FOXO3: variants seen among roughly 807,000 people sequenced by gnomAD.
The protein encoded by FOXO3 is forkhead box protein O3.
FOXO3 carries 4 observed loss-of-function variants against 41.9 expected under a neutral mutation model. The observed-to-expected ratio is 0.10, with a 90% confidence interval of 0.05 to 0.22. FOXO3 has a LOEUF of 0.22. Ranked by LOEUF, FOXO3 falls within the 10% of genes least tolerant of loss-of-function variation. FOXO3 has a pLI of 1.00. For missense variants in FOXO3, 534 were observed against 906.8 expected (o/e 0.59, Z 5.28); for synonymous variants, 318 against 389.3 (o/e 0.82, Z 2.16).
At chr6:108,678,769 T>C (rs1322058708) in intron 2 of FOXO3, among the ~76,000 whole-genome samples, 1 of 151,842 alleles carries the variant, frequency 6.6e-6, no homozygotes, top group Non-Finnish European at 1.5e-5. Context: ...TTGGCGTGCC[T>C]GTAGTCCTAG....
chr6:108,575,194 C>T (rs1026180240), intron 1 of FOXO3, among the ~76,000 whole-genome samples: 1 of 152,120 alleles, frequency 6.6e-6, no homozygotes, highest in Admixed American at 6.5e-5. Context: ...TAATTCCAAT[C>T]ACAAAACTAC....
chr6:108,656,040 G>A (rs576942072), intron 1 of FOXO3, among the ~76,000 whole-genome samples: 1 of 151,958 alleles, frequency 6.6e-6, no homozygotes, highest in South Asian at 2.1e-4. Context: ...GCCTGCAGTC[G>A]GCCTGGTGGG....
chr6:108,634,658 T>C (rs73763154), intron 1 of FOXO3, among the ~76,000 whole-genome samples: 14,708 of 151,690 alleles, frequency 0.097, 743 homozygotes, highest in East Asian at 0.15. Flanking sequence ...TGTTTCAGAG[T>C]GATTAGAGGG....
At chr6:108,634,396 A>G (rs1778058697) in intron 1 of FOXO3, among the ~76,000 whole-genome samples, 4 of 152,166 alleles carry the variant, frequency 2.6e-5, no homozygotes, top group Admixed American at 6.5e-5. Flanking sequence ...GGAAAGGGTC[A>G]GGGATGATGA....
intron 1 of FOXO3, among the ~76,000 whole-genome samples, chr6:108,598,205 C>T (rs1347579914): frequency 6.6e-6 from 1 of 152,188 alleles, no homozygotes; most frequent in Non-Finnish European, 1.5e-5. Flanking sequence ...CCCTACTGTC[C>T]CCTCTTCCAT....
At chr6:108,567,377 G>A (rs918626546) in intron 1 of FOXO3, among the ~76,000 whole-genome samples, 1 of 152,130 alleles carries the variant, frequency 6.6e-6, no homozygotes, top group Non-Finnish European at 1.5e-5. Flanking sequence ...CACATCTTTG[G>A]CCCTGGACTG....
At chr6:108,607,523 G>T (rs1355675475) in intron 1 of FOXO3, among the ~76,000 whole-genome samples, 2 of 150,578 alleles carry the variant, frequency 1.3e-5, no homozygotes, top group Non-Finnish European at 3.0e-5. Flanking sequence ...TTTCTTTTCT[G>T]ATCCTGGAAA....
At chr6:108,623,657 A>G (rs1777733575) in intron 1 of FOXO3, among the ~76,000 whole-genome samples, 1 of 152,260 alleles carries the variant, frequency 6.6e-6, no homozygotes, top group Admixed American at 6.5e-5. Context: ...AATGACAGTC[A>G]TAACAAATGA....
intron 1 of FOXO3, among the ~76,000 whole-genome samples, chr6:108,619,045 G>A (rs1777596199): frequency 6.6e-6 from 1 of 152,160 alleles, no homozygotes; most frequent in Non-Finnish European, 1.5e-5. Flanking sequence ...GTCCTATACT[G>A]CCTGTTGTCC....
chr6:108,561,860 C>T (rs1205757626), intron 1 of FOXO3, 31 bp downstream of exon 1: 1 of 1,508,120 alleles, frequency 6.6e-7, no homozygotes, highest in Non-Finnish European at 8.9e-7. Context: ...GGCAGCAGGA[C>T]CCGCCGGGCC....
chr6:108,596,440 G>A (rs1422818672), intron 1 of FOXO3, among the ~76,000 whole-genome samples: 1 of 151,360 alleles, frequency 6.6e-6, no homozygotes, highest in Non-Finnish European at 1.5e-5. Flanking sequence ...GGACTCAGAG[G>A]TATAGAGGGG....
intron 1 of FOXO3, among the ~76,000 whole-genome samples, chr6:108,631,139 C>T (rs1275655624): frequency 6.6e-6 from 1 of 152,168 alleles, no homozygotes; most frequent in Non-Finnish European, 1.5e-5. Flanking sequence ...AACTGGTTTT[C>T]AGAAGACTGA....
At chr6:108,584,386 A>G (rs1036091556) in intron 1 of FOXO3, among the ~76,000 whole-genome samples, 1 of 152,138 alleles carries the variant, frequency 6.6e-6, no homozygotes, top group East Asian at 1.9e-4. Context: ...TAAAAGTATT[A>G]CTGTAATCAA....
intron 1 of FOXO3, among the ~76,000 whole-genome samples, chr6:108,629,344 T>G (rs1422437025): frequency 6.6e-6 from 1 of 152,150 alleles, no homozygotes; most frequent in Non-Finnish European, 1.5e-5. Context: ...AAGGGTTGTG[T>G]AATTTTCGGG....
At chr6:108,662,058 TG>T (rs1026092181) in intron 1 of FOXO3, among the ~76,000 whole-genome samples, 10 of 152,178 alleles carry the variant, frequency 6.6e-5, no homozygotes, top group Non-Finnish European at 1.5e-5. Context: ...TTTCACTTAA[TG>T]TTTTTTTTTG....
intron 1 of FOXO3, among the ~76,000 whole-genome samples, 162 bp from the exon 2 acceptor site, chr6:108,663,293 G>T (rs1015039216): frequency 6.6e-6 from 1 of 152,212 alleles, no homozygotes; most frequent in Non-Finnish European, 1.5e-5. Context: ...AGCCCAGGAG[G>T]TTGAGGCTGC....
rs2128354977 is a variant in FOXO3, at chr6:108,564,063, C to T, written c.621+2234C>T. On this transcript the variant is annotated intron_variant, in intron 1 of 2. Transcript: ENST00000406360. ...GGCTTAATATGCTTAATACAGGGCACACATTTTATGATTCTTTTACCTTAA... is the reference window on the plus strand; with the variant it reads ...GGCTTAATATGCTTAATACAGGGCATACATTTTATGATTCTTTTACCTTAA... Among the ~76,000 whole-genome samples, 4 of 152,134 alleles carry T rather than the reference C, an allele frequency of 2.6e-5. 1 individual carries two copies. In the Middle Eastern group the frequency reaches 0.014, roughly 517 times the overall value.
chr6:108,581,441 G>A (rs748957987), intron 1 of FOXO3, among the ~76,000 whole-genome samples: 7 of 152,080 alleles, frequency 4.6e-5, no homozygotes, highest in Admixed American at 2.6e-4. Context: ...GAGTTAAGCC[G>A]TTACAAAATT....
At chr6:108,569,642 C>T (rs923642111) in intron 1 of FOXO3, among the ~76,000 whole-genome samples, 5 of 152,098 alleles carry the variant, frequency 3.3e-5, no homozygotes, top group Non-Finnish European at 5.9e-5. Context: ...CTAGTAATTC[C>T]GCTACTCCTG....
Sources: gnomAD v4.1 joint callset for allele counts (sites outside exome capture counted in the v4.1 genomes callset) on GRCh38, gnomAD v4.1.1 for gene constraint, MANE v1.5 for transcripts, NCBI Gene and HGNC (gene_info 2026-07-23, HGNC 2026-07-21) for gene names.